The following FES variants were observed in gnomAD, a reference collection of about 807,000 sequenced individuals.
FES encodes the protein tyrosine-protein kinase Fes/Fps.
A neutral mutation model predicts 109.6 loss-of-function variants in FES; 83 were observed. That is an observed-to-expected ratio of 0.76 (90% confidence interval 0.63 to 0.91). The LOEUF is 0.91. Among genes scored for constraint, FES ranks in the 40% least tolerant of loss-of-function variants. FES has a pLI of 0.00. For synonymous variants in FES, 458 were observed against 442.1 expected (o/e 1.04, Z -0.45); for missense variants, 943 against 1,070.9 (o/e 0.88, Z 1.67).
chr15:90,886,363 G>C (rs7403760), intron 3 of FES, among the ~76,000 whole-genome samples: 152,227 of 152,394 alleles, frequency 1, 76,032 homozygotes, highest in Non-Finnish European at 1. Context: ...GCCTACAAGC[G>C]TAAAATATTT....
Position 90,885,358 on chromosome 15 carries a change from A to G in FES, c.214-54A>G, listed in dbSNP as rs1159750833. 10 of 1,597,686 alleles carry G rather than the reference A, an allele frequency of 6.3e-6. No individual in the cohort carries two copies. The East Asian group carries it at 2.0e-4, about 32-fold the overall frequency. On this transcript the variant is annotated intron_variant, in intron 2 of 18. Transcript: ENST00000328850. The stretch of plus-strand genomic sequence containing the variant: ...CAGTGGCTGGAGATCTGGCAGGCCA[A>G]TGCTTGGGAGCCATTGTGCCCCCCT...
intron 3 of FES, among the ~76,000 whole-genome samples, chr15:90,886,190 C>T (rs2151244599): frequency 6.6e-6 from 1 of 152,356 alleles, no homozygotes; most frequent in East Asian, 1.9e-4. Context: ...CCACAGCGGC[C>T]CCTGGTGGCC....
chr15:90,885,401 G>C lies in FES; in HGVS notation c.214-11G>C, dbSNP rs778805325. On this transcript the variant is annotated splice_polypyrimidine_tract_variant and intron_variant, in intron 2 of 18. Coordinates refer to ENST00000328850, the MANE Select transcript of FES (RefSeq NM_002005.4). ...GCCCCCCTCCCTGCCTCCCCCATCT[G>C]TGCTGTATAGTCCTGGGCTGAGATC... 4 of 1,609,736 alleles carry C rather than the reference G, an allele frequency of 2.5e-6. No homozygotes were observed. In the South Asian group the frequency reaches 4.4e-5, roughly 18 times the overall value.
rs573547149 is a variant in FES, at chr15:90,895,138, CAT to C, written c.2327-277_2327-276del. Among the ~76,000 whole-genome samples the C allele has an allele frequency of 7.9e-5, 12 of 152,268 alleles. No homozygotes were observed. In the East Asian group the frequency reaches 1.9e-3, roughly 24 times the overall value. On this transcript the variant is annotated intron_variant, in intron 18 of 18. Coordinates refer to ENST00000328850, the MANE Select transcript of FES (RefSeq NM_002005.4). ...TGAGCACCTGGTCTGTGCTAGGTCA[CAT>C]GTTATTTCATTTGCTCATCACTACA...
At position 90,895,721 on chromosome 15, in the gene FES, G is replaced by A; in HGVS notation, c.*163G>A. On this transcript the variant is annotated 3_prime_UTR_variant, in exon 19 of 19. Coordinates refer to ENST00000328850, the MANE Select transcript of FES (RefSeq NM_002005.4). ...GCCGTGTCCTCTCTGTGTCCCTGCT[G>A]CTGCCAGGGCTTCCTCTTCCGGGCA... is the stretch of plus-strand genomic sequence containing the variant. The A allele has an allele frequency of 1.9e-6, 1 of 525,154 alleles. No homozygotes were observed. The highest frequency in any genetic ancestry group is 3.1e-6 in the Non-Finnish European group (1 of 318,362). The allele number at this position is 525,154 out of a possible 1,614,324, so 32.5% of individuals were successfully genotyped here.
In FES at chr15:90,891,551, C is replaced by T. The variant is rs557908696; in HGVS notation, c.1531-3C>T. ...TGCTGACCCCGGGTCCCCTGCCCTG[C>T]AGAACCTGTACCGACTGGAAGGGGA... On this transcript the variant is annotated splice_region_variant and splice_polypyrimidine_tract_variant and intron_variant, in intron 11 of 18. Transcript: ENST00000328850. 3.7e-5 allele frequency: 60 copies of T among 1,613,646 alleles called. No individual in the cohort carries two copies. In the East Asian group the frequency reaches 1.3e-3, roughly 34 times the overall value.
chr15:90,887,158 A>G (rs772926958), intron 4 of FES, 29 bp from the exon 5 acceptor site: 2 of 1,611,828 alleles, frequency 1.2e-6, no homozygotes, highest in African/African-American at 1.3e-5. Flanking sequence ...CCATGCTGTC[A>G]TCTATACCCC....
chr15:90,889,309 G>A lies in FES; in HGVS notation c.672G>A (p.Lys224=), dbSNP rs1456227488. 6.2e-7 allele frequency: 1 copy of A among 1,613,468 alleles called. No individual in the cohort carries two copies. The highest frequency in any genetic ancestry group is 2.2e-5 in the East Asian group (1 of 44,860). Residue 224 remains lysine (K), a synonymous_variant, in exon 6 of 19, where the codon AAG becomes AAA. Coordinates refer to ENST00000328850, the MANE Select transcript of FES (RefSeq NM_002005.4). This position sits in a 1 kb window ranked among gnomAD's most constrained non-coding sequence, Gnocchi z 6.1. ...DLHEEMACIL[K]EILQEYLEIS... ...GGGGATCCCGTCTCGGGGGCAGGAA[G>A]GAGATCCTGCAGGAATACCTGGAGA...
At position 90,885,074 on chromosome 15, in the gene FES, C is replaced by G; in HGVS notation, c.29C>G (p.Pro10Arg). ...GGCTTCTCTTCCGAGCTGTGCAGCCCCCAGGGCCACGGGGTCCTGCAGCAA... is the reference window on the plus strand; with the variant it reads ...GGCTTCTCTTCCGAGCTGTGCAGCCGCCAGGGCCACGGGGTCCTGCAGCAA... The part of the protein sequence containing the change: MGFSSELCS[P>R]QGHGVLQQMQ... Residue 10 changes from proline (P) to arginine (R), a missense_variant, in exon 2 of 19, where the codon CCC (proline) becomes CGC (arginine). By Grantham distance (103) the Pro-to-Arg change is moderately radical (BLOSUM62 -2). Transcript: ENST00000328850. The G allele has an allele frequency of 6.2e-7, 1 of 1,613,044 alleles. No individual in the cohort carries two copies. Among genetic ancestry groups the G allele is most frequent in the Non-Finnish European group, 8.5e-7 (1 of 1,179,920 alleles).
Position 90,889,409 on chromosome 15 carries a change from G to T in FES, c.772G>T (p.Glu258Ter), listed in dbSNP as rs745952463. 6.2e-7 allele frequency: 1 copy of T among 1,614,100 alleles called. No individual in the cohort carries two copies. The highest frequency in any genetic ancestry group is 8.5e-7 in the Non-Finnish European group (1 of 1,180,024). Residue 258 changes from glutamate to a stop codon, truncating the protein, a stop_gained, in exon 6 of 19, where the codon GAG becomes TAG. Coordinates refer to ENST00000328850, the MANE Select transcript of FES (RefSeq NM_002005.4). LOFTEE classifies it high-confidence loss of function. The surrounding 1 kb of genome is among the most constrained non-coding windows in gnomAD (Gnocchi z 6.1). The part of the protein sequence containing the change: ...MAAAAARIQP[E>*]AEYQGFLRQY... ...TGCAGCTGCTGCCCGCATCCAGCCT[G>T]AGGCTGAGTACCAAGGCTTCCTGCG...
intron 5 of FES, 137 bp downstream of exon 5, chr15:90,887,507 C>A: frequency 1.1e-6 from 1 of 922,608 alleles, no homozygotes; most frequent in Non-Finnish European, 1.6e-6. Flanking sequence ...GGGACCTGGG[C>A]CAAGGATTGG....
Position 90,893,907 on chromosome 15 carries a change from G to A in FES, c.2204-29G>A, listed in dbSNP as rs41276926. ...CTGGCCCCAGGGAGGGTGCACTCAC[G>A]CTGCCTCACCTCCTCGCCTCCTCTG... On this transcript the variant is annotated intron_variant, in intron 17 of 18. Coordinates refer to ENST00000328850, the MANE Select transcript of FES (RefSeq NM_002005.4). The A allele has an allele frequency of 1.2e-3, 1,960 of 1,612,668 alleles. 1 individual carries two copies. The highest frequency in any genetic ancestry group is 1.5e-3 in the Non-Finnish European group (1,820 of 1,179,682).
At position 90,893,976 on chromosome 15, in the gene FES, C is replaced by T. The variant is rs55808877; in HGVS notation, c.2244C>T (p.Ile748=). ...AAAGCGACGTGTGGAGCTTTGGCAT[C>T]TTGCTCTGGGAGACCTTCAGCCTGG... ...SSESDVWSFG[I]LLWETFSLGA... is the part of the protein sequence containing the mutation. Residue 748 remains isoleucine, a synonymous_variant, in exon 18 of 19, where the codon ATC becomes ATT. Coordinates refer to ENST00000328850, the MANE Select transcript of FES (RefSeq NM_002005.4). 8.1e-4 allele frequency: 1,302 copies of T among 1,613,776 alleles called. No individual in the cohort carries two copies. The highest frequency in any genetic ancestry group is 1.6e-3 in the Admixed American group (99 of 60,010).
chr15:90,887,281 G>A lies in FES; in HGVS notation c.579G>A (p.Ala193=), dbSNP rs757886415. The A allele has an allele frequency of 6.2e-6, 10 of 1,613,256 alleles. No individual in the cohort carries two copies. Among genetic ancestry groups the A allele is most frequent in the Admixed American group, 1.7e-5 (1 of 60,024 alleles). ...GCTATGTGCTGGGCGTGCGGGCTGC[G>A]CAGCTACACCACCAGCACCACCACC... ...HNRYVLGVRA[A]QLHHQHHHQL... is the part of the protein sequence containing the mutation. The change falls in exon 5 of 19, where the codon GCG becomes GCA. Residue 193 remains alanine (A), a synonymous_variant. Transcript: ENST00000328850.
rs1002243837 is a variant in FES at position 90,891,665 on chromosome 15, G to C, written c.1642G>C (p.Ala548Pro). 3.7e-6 allele frequency: 6 copies of C among 1,613,650 alleles called. No individual in the cohort carries two copies. The Admixed American group carries it at 6.7e-5, about 18-fold the overall frequency. ...TKKSGVVLHR[A>P]VPKDKWVLNH... ...GAAGAGTGGTGTTGTCCTGCACAGG[G>C]CTGTGCCCAAGGTGAGCCTGCACCC... The change falls in exon 12 of 19, where the codon GCT becomes CCT. Residue 548 changes from alanine to proline, a missense_variant. Coordinates refer to ENST00000328850, the MANE Select transcript of FES (RefSeq NM_002005.4).
Position 90,892,931 on chromosome 15 carries a change from G to GC in FES, c.1826+112dup. ...ACCGTGGTGGTGTTTAGTCCTCGAGGCCCCCCATTGCGGGTAGTACCCCCT... is the reference window on the plus strand; with the variant it reads ...ACCGTGGTGGTGTTTAGTCCTCGAGGCCCCCCCATTGCGGGTAGTACCCCCT... On this transcript the variant is annotated intron_variant, in intron 14 of 18. Transcript: ENST00000328850. The GC allele has an allele frequency of 1.0e-5, 14 of 1,365,836 alleles. 1 individual carries two copies. The South Asian group carries it at 1.7e-4, about 16-fold the overall frequency. 84.6% of individuals were successfully genotyped at this position (1,365,836 alleles called of 1,614,324 possible). A position where few individuals can be genotyped will look rare whatever the true frequency, so the allele number is the denominator to read the frequency against.
Position 90,889,475 on chromosome 15 carries a change from G to A in FES, c.806+32G>A, listed in dbSNP as rs1016092094. 6.2e-7 allele frequency: 1 copy of A among 1,613,894 alleles called. No individual in the cohort carries two copies. The highest frequency in any genetic ancestry group is 8.5e-7 in the Non-Finnish European group (1 of 1,179,990). On this transcript the variant is annotated intron_variant, in intron 6 of 18. Transcript: ENST00000328850. This position sits in a 1 kb window ranked among gnomAD's most constrained non-coding sequence, Gnocchi z 6.1. ...CCCGTCCTTGCTCCTGCTGGGCCCAGGGCTGCTGGCCTGTCCACTGACGGG... is the reference window on the plus strand; with the variant it reads ...CCCGTCCTTGCTCCTGCTGGGCCCAAGGCTGCTGGCCTGTCCACTGACGGG...
At chr15:90,888,782 T>G (rs1360681741) in intron 5 of FES, among the ~76,000 whole-genome samples, 1 of 145,464 alleles carries the variant, frequency 6.9e-6, no homozygotes, top group African/African-American at 2.7e-5. Context: ...ATTTATTTAT[T>G]TATTTATTTA....
intron 14 of FES, 132 bp downstream of exon 14, chr15:90,892,957 T>C (rs1042992700): frequency 1.6e-4 from 213 of 1,305,072 alleles, no homozygotes; most frequent in Non-Finnish European, 2.0e-4. Context: ...AGTACCCCCT[T>C]ATAGTGCCGA....
Sources: allele counts gnomAD v4.1 joint callset (sites outside exome capture counted in the v4.1 genomes callset), GRCh38; gene constraint gnomAD v4.1.1; non-coding constraint Gnocchi (gnomAD v3.1); transcripts MANE v1.5; gene names NCBI Gene and HGNC (gene_info 2026-07-23, HGNC 2026-07-21).